XIRP2: variants seen among roughly 807,000 people sequenced by gnomAD.
XIRP2 encodes the protein xin actin binding repeat containing 2.
XIRP2 carries 236 observed loss-of-function variants against 277.0 expected under a neutral mutation model. The ratio of observed to expected loss-of-function variants is 0.85; its 90% CI spans 0.77 to 0.95. The LOEUF (loss-of-function observed/expected upper bound fraction) is 0.95, where lower values mean the gene tolerates loss of function less well. XIRP2 is among the 40% of genes least tolerant of loss of function. XIRP2 has a pLI of 0.00. For synonymous variants in XIRP2, 1,490 were observed against 1,416.5 expected (o/e 1.05, Z -1.17); for missense variants, 4,640 against 4,157.5 (o/e 1.12, Z -3.19).
At chr2:167,146,375 C>T (rs951140851) in intron 3 of XIRP2, among the ~76,000 whole-genome samples, 4 of 151,886 alleles carry the variant, frequency 2.6e-5, no homozygotes, top group Admixed American at 1.3e-4. Flanking sequence ...GTGGCACATG[C>T]CTGTAGTCCC....
chr2:167,175,877 C>T (rs567095223), intron 3 of XIRP2, among the ~76,000 whole-genome samples: 3 of 152,306 alleles, frequency 2.0e-5, no homozygotes, highest in Non-Finnish European at 4.4e-5. Context: ...GCTACAGCAG[C>T]TTTGCCTAGC....
intron 2 of XIRP2, among the ~76,000 whole-genome samples, chr2:167,007,463 T>A (rs1236403206): frequency 6.6e-6 from 1 of 151,708 alleles, no homozygotes; most frequent in Non-Finnish European, 1.5e-5. Flanking sequence ...TAATCAGTAA[T>A]AATCTATAAT....
At chr2:166,999,250 GA>G in intron 2 of XIRP2, among the ~76,000 whole-genome samples, 1 of 152,014 alleles carries the variant, frequency 6.6e-6, no homozygotes. Flanking sequence ...CATATCTTGT[GA>G]AATATGAAAA....
At chr2:167,068,754 C>G (rs1466274163) in intron 2 of XIRP2, among the ~76,000 whole-genome samples, 1 of 152,098 alleles carries the variant, frequency 6.6e-6, no homozygotes, top group African/African-American at 2.4e-5. Context: ...AACCCATGGC[C>G]CAGGGGTCGC....
Position 167,243,960 on chromosome 2 carries a change from T to C in XIRP2, c.2568T>C (p.Val856=). 2.5e-6 allele frequency: 4 copies of C among 1,614,016 alleles called. No individual in the cohort carries two copies. The highest frequency in any genetic ancestry group is 3.4e-6 in the Non-Finnish European group (4 of 1,179,936). ...AGCCATTAGACATTCTAAAAGAAGT[T>C]CCTGATGCAGATTCTCTACAACGTG... ...ETQPLDILKE[V]PDADSLQREE... is the part of the protein sequence containing the mutation. Residue 856 remains valine (V), a synonymous_variant, in exon 9 of 11, where the codon GTT becomes GTC. Coordinates refer to ENST00000409195, the MANE Select transcript of XIRP2 (RefSeq NM_152381.6).
intron 1 of XIRP2, among the ~76,000 whole-genome samples, chr2:166,893,352 C>CGG (rs1233893947): frequency 1.3e-5 from 2 of 152,034 alleles, no homozygotes; most frequent in East Asian, 3.9e-4. Flanking sequence ...TCCCAATACA[C>CGG]CAAAAAAATT....
At chr2:167,220,010 C>A (rs1179120028) in intron 5 of XIRP2, among the ~76,000 whole-genome samples, 1 of 152,142 alleles carries the variant, frequency 6.6e-6, no homozygotes, top group Non-Finnish European at 1.5e-5. Context: ...GATGTAAGCT[C>A]CAGTGGAGTA....
Position 167,244,141 on chromosome 2 carries a change from G to T in XIRP2, c.2749G>T (p.Glu917Ter). The T allele has an allele frequency of 6.2e-7, 1 of 1,613,966 alleles. No homozygotes were observed. Among genetic ancestry groups the T allele is most frequent in the African/African-American group, 1.3e-5 (1 of 75,042 alleles). The change falls in exon 9 of 11, where the codon GAA becomes TAA. Residue 917 changes from glutamate (E) to a stop codon, truncating the protein, a stop_gained. Transcript: ENST00000409195. LOFTEE classifies it high-confidence loss of function. The part of the protein sequence containing the change: ...GDVRHQKWIF[E>*]TQPLEDIRKD... ...TGTTAGGCATCAAAAATGGATTTTT[G>T]AAACCCAACCTCTGGAAGACATTAG...
chr2:167,128,918 A>G (rs1171964994), intron 2 of XIRP2, among the ~76,000 whole-genome samples: 1 of 152,192 alleles, frequency 6.6e-6, no homozygotes, highest in African/African-American at 2.4e-5. Flanking sequence ...AGATAGATTA[A>G]TTATTCAAAA....
chr2:167,259,162 T>C lies in XIRP2; in HGVS notation c.*1345T>C. ...AAATTAAAAATATGCCATGCTTGGA[T>C]TTAAGGGAATTTGGAAAGGATGTTA... On this transcript the variant is annotated 3_prime_UTR_variant, in exon 11 of 11. Transcript: ENST00000409195. The C allele has an allele frequency of 6.2e-7, 1 of 1,613,242 alleles. No homozygotes were observed.
rs753522637 is a variant in XIRP2 at position 167,258,708 on chromosome 2, G to T, written c.*891G>T. 1.9e-5 allele frequency: 30 copies of T among 1,613,084 alleles called. No individual in the cohort carries two copies. Among genetic ancestry groups the T allele is most frequent in the Non-Finnish European group, 2.4e-5 (28 of 1,179,586 alleles). Reference sequence around the variant, plus strand: ...GTAGCAGTCTCATATCTGAATAATTGCAGGCAGAAGACATCTATTTTAGAA... The same window carrying T: ...GTAGCAGTCTCATATCTGAATAATTTCAGGCAGAAGACATCTATTTTAGAA... On this transcript the variant is annotated 3_prime_UTR_variant, in exon 11 of 11. Transcript: ENST00000409195.
intron 2 of XIRP2, among the ~76,000 whole-genome samples, chr2:167,029,014 C>T (rs1046196851): frequency 1.3e-5 from 2 of 151,442 alleles, no homozygotes; most frequent in Non-Finnish European, 1.5e-5. Flanking sequence ...ACTACACAGT[C>T]AGAGGAGATA....
chr2:167,099,645 C>T (rs1690434667), intron 2 of XIRP2, among the ~76,000 whole-genome samples: 1 of 152,040 alleles, frequency 6.6e-6, no homozygotes, highest in Admixed American at 6.6e-5. Context: ...TGTAGGCACC[C>T]GAGGGAATCT....
intron 3 of XIRP2, among the ~76,000 whole-genome samples, chr2:167,175,775 T>A (rs960224278): frequency 5.3e-5 from 8 of 152,104 alleles, no homozygotes; most frequent in African/African-American, 1.9e-4. Context: ...CCCAGGGAGT[T>A]GGGGATTTTA....
intron 2 of XIRP2, among the ~76,000 whole-genome samples, chr2:166,928,156 A>G (rs986586051): frequency 6.6e-6 from 1 of 152,136 alleles, no homozygotes; most frequent in African/African-American, 2.4e-5. Flanking sequence ...GCTGTAGGGC[A>G]GATTATGTAA....
At chr2:167,200,239 A>G (rs969610656) in intron 3 of XIRP2, among the ~76,000 whole-genome samples, 11 of 152,340 alleles carry the variant, frequency 7.2e-5, no homozygotes, top group African/African-American at 2.4e-4. Flanking sequence ...TACCTTTGGT[A>G]GGTTGCCACA....
intron 3 of XIRP2, among the ~76,000 whole-genome samples, chr2:167,195,626 G>A (rs936605221): frequency 1.1e-4 from 16 of 152,324 alleles, no homozygotes; most frequent in Admixed American, 4.6e-4. Context: ...AGACCAGACC[G>A]TTTATCATGG....
At chr2:167,172,639 T>G (rs1394767395) in intron 3 of XIRP2, among the ~76,000 whole-genome samples, 1 of 151,018 alleles carries the variant, frequency 6.6e-6, no homozygotes, top group African/African-American at 2.4e-5. Context: ...ATTTCTCCTA[T>G]TTGCTTTTGA....
At position 167,043,324 on chromosome 2, in the gene XIRP2, A is replaced by T. The variant is rs1688710447; in HGVS notation, c.409-92585A>T. 2.0e-5 allele frequency among the ~76,000 whole-genome samples: 3 copies of T among 152,258 alleles called. No homozygotes were observed. In the South Asian group the frequency reaches 6.2e-4, roughly 32 times the overall value. On this transcript the variant is annotated intron_variant, in intron 2 of 10. Transcript: ENST00000409195. ...CAAAGGTAACAGGAGGAAAGAAATA[A>T]CCAAAATCAGAGCTGAAGTGAATAA...
Sources: gnomAD v4.1 joint callset for allele counts (sites outside exome capture counted in the v4.1 genomes callset) on GRCh38, gnomAD v4.1.1 for gene constraint, MANE v1.5 for transcripts, NCBI Gene and HGNC (gene_info 2026-07-23, HGNC 2026-07-21) for gene names.